The following DNAH17 variants were observed in gnomAD, a reference collection of about 807,000 sequenced individuals.
The protein encoded by DNAH17 is dynein axonemal heavy chain 17.
Under a neutral mutation model 485.6 loss-of-function variants are expected in DNAH17, and 376 were observed. The ratio of observed to expected loss-of-function variants is 0.77; its 90% confidence interval spans 0.71 to 0.84. DNAH17 has a LOEUF of 0.84. DNAH17 is among the 40% of genes least tolerant of loss of function. The pLI is 0.00. For missense variants in DNAH17, 6,370 were observed against 5,839.3 expected, an observed-to-expected ratio of 1.09 and a Z score of -2.96; for synonymous variants, 3,031 against 2,405.9, an observed-to-expected ratio of 1.26 and a Z score of -7.60.
chr17:78,461,691 G>C lies in DNAH17; in HGVS notation c.9192C>G (p.Ala3064=), dbSNP rs2088135593. ...GCTCAGCCTCCTGAATCGCCAACTTGGCTTTCAAATCATCCACCTGGGGAA... is the reference window on the plus strand; with the variant it reads ...GCTCAGCCTCCTGAATCGCCAACTTCGCTTTCAAATCATCCACCTGGGGAA... ...STASQVDDLK[A]KLAIQEAELK... is the part of the protein sequence containing the mutation. Residue 3064 remains alanine (A), a synonymous_variant, in exon 58 of 81, where the codon GCC becomes GCG. Coordinates refer to ENST00000389840, the MANE Select transcript of DNAH17 (RefSeq NM_173628.4). 1 of 1,609,474 alleles carries C rather than the reference G, an allele frequency of 6.2e-7. No individual in the cohort carries two copies. The highest frequency in any genetic ancestry group is 1.3e-5 in the African/African-American group (1 of 74,600).
At chr17:78,540,050 G>A (rs990087680) in intron 17 of DNAH17, among the ~76,000 whole-genome samples, 170 bp from the exon 18 acceptor site, 1 of 152,062 alleles carries the variant, frequency 6.6e-6, no homozygotes, top group African/African-American at 2.4e-5. Context: ...GGCTTTGCAC[G>A]GCTGCTCCCT....
At chr17:78,522,383 A>G in intron 25 of DNAH17, 1 of 286,200 alleles carries the variant, frequency 3.5e-6, no homozygotes, top group Non-Finnish European at 7.0e-6. Flanking sequence ...GAAGAGGAAG[A>G]GGGACTTTTT....
In DNAH17 at chr17:78,475,171, C is replaced by T; in HGVS notation, c.8511+107G>A. ...CTTTGGATAAGGACTATTGGTGATG[C>T]TCGGATTCCCTGTACTCGCTGGCTT... is the stretch of plus-strand genomic sequence containing the variant. On this transcript the variant is annotated intron_variant, in intron 54 of 80. Coordinates refer to ENST00000389840, the MANE Select transcript of DNAH17 (RefSeq NM_173628.4). The T allele has an allele frequency of 5.4e-6, 7 of 1,285,490 alleles. No homozygotes were observed. In the South Asian group the frequency reaches 8.5e-5, roughly 16 times the overall value. The allele number at this position is 1,285,490 out of a possible 1,614,324, so 79.6% of individuals were successfully genotyped here. A position where few individuals can be genotyped will look rare whatever the true frequency, so the allele number is the denominator to read the frequency against.
At chr17:78,498,918 AAGGAGGGTCTATCTGGCG>A (rs2090171768) in intron 37 of DNAH17, 72 bp downstream of exon 37, 1 of 1,004,204 alleles carries the variant, frequency 1.0e-6, no homozygotes, top group Non-Finnish European at 1.4e-6. Context: ...GCAGAGAGGC[AAGGAGGGTCTATCTGGCG>A]TGTGAGGTCA....
At chr17:78,545,477 G>C (rs1193987161) in intron 16 of DNAH17, among the ~76,000 whole-genome samples, 2 of 152,150 alleles carry the variant, frequency 1.3e-5, no homozygotes, top group Admixed American at 1.3e-4. Flanking sequence ...GTGGGCAGAT[G>C]ATGATGGCCG....
At chr17:78,501,594 G>A (rs936620831) in intron 34 of DNAH17, 148 bp downstream of exon 34, 3 of 1,221,292 alleles carry the variant, frequency 2.5e-6, no homozygotes, top group African/African-American at 3.0e-5. Context: ...GTGAGTCCGG[G>A]CAAGGAGGTT....
At position 78,574,892 on chromosome 17, in the gene DNAH17, G is replaced by A; in HGVS notation, c.166C>T (p.Leu56Phe). Residue 56 changes from leucine to phenylalanine, a missense_variant, in exon 2 of 81, where the codon CTC becomes TTC. Leu to Phe is a conservative substitution (Grantham distance 22). Coordinates refer to ENST00000389840, the MANE Select transcript of DNAH17 (RefSeq NM_173628.4). ...KPDVQVLVLTLNAAGMIIPCL... is the reference protein window; with the variant it reads ...KPDVQVLVLTFNAAGMIIPCL... ...GGTATGATCATGCCGGCTGCATTGA[G>A]CGTCAGCACCAGCACCTGGACGTCG... The A allele has an allele frequency of 1.2e-6, 2 of 1,614,036 alleles. No individual in the cohort carries two copies. The highest frequency in any genetic ancestry group is 1.7e-5 in the Admixed American group (1 of 60,012).
chr17:78,556,003 C>CAGCA (rs2092013625), intron 14 of DNAH17, among the ~76,000 whole-genome samples: 2 of 152,216 alleles, frequency 1.3e-5, no homozygotes, highest in African/African-American at 4.8e-5. Context: ...AACTTGCAGA[C>CAGCA]AGCAGGCTGT....
Position 78,539,874 on chromosome 17 carries a change from C to T in DNAH17, c.2539G>A (p.Ala847Thr), listed in dbSNP as rs767516198. The change falls in exon 18 of 81, where the codon GCA (alanine) becomes ACA (threonine). Residue 847 changes from alanine (A) to threonine (T), a missense_variant. By Grantham distance (58) the Ala-to-Thr change is moderately conservative. Coordinates refer to ENST00000389840, the MANE Select transcript of DNAH17 (RefSeq NM_173628.4). ...AGTGTGTCTGCCCTGAATAGTTCTGCGTTTTCCTGCAAACAGAAGCGCACA... is the reference window on the plus strand; with the variant it reads ...AGTGTGTCTGCCCTGAATAGTTCTGTGTTTTCCTGCAAACAGAAGCGCACA... ...VKIQAMVAENAELFRADTLSL... is the reference protein window; with the variant it reads ...VKIQAMVAENTELFRADTLSL... 1.1e-5 allele frequency: 18 copies of T among 1,573,450 alleles called. No individual in the cohort carries two copies. In the Admixed American group the frequency reaches 1.2e-4, roughly 10 times the overall value.
At position 78,427,115 on chromosome 17, in the gene DNAH17, G is replaced by T. The variant is rs369106569; in HGVS notation, c.12589-7C>A. ...CGTCCAGCACGGCCTTCACCTGGAA[G>T]CCAGTCCCCGGACAGCCCCTGTCAC... On this transcript the variant is annotated splice_region_variant and splice_polypyrimidine_tract_variant and intron_variant, in intron 77 of 80. Coordinates refer to ENST00000389840, the MANE Select transcript of DNAH17 (RefSeq NM_173628.4). The T allele has an allele frequency of 2.2e-5, 34 of 1,563,902 alleles. No individual in the cohort carries two copies. In the African/African-American group the frequency reaches 4.5e-4, roughly 21 times the overall value.
chr17:78,460,348 G>GTGTGTGCATA (rs2088047308), intron 58 of DNAH17, 91 bp from the exon 59 acceptor site: 1 of 988,720 alleles, frequency 1.0e-6, no homozygotes, highest in Non-Finnish European at 1.5e-6. Context: ...GTGTGTGCAT[G>GTGTGTGCATA]TGTGTGCATG....
At chr17:78,436,952 G>C (rs2086869078) in intron 74 of DNAH17, among the ~76,000 whole-genome samples, 3 of 152,326 alleles carry the variant, frequency 2.0e-5, no homozygotes, top group Admixed American at 6.5e-5. Context: ...GAAGAGTCAG[G>C]TGAGGACAGA....
chr17:78,560,767 G>A lies in DNAH17; in HGVS notation c.2004C>T (p.Asn668=). 1 of 1,552,066 alleles carries A rather than the reference G, an allele frequency of 6.4e-7. No homozygotes were observed. The highest frequency in any genetic ancestry group is 1.2e-5 in the South Asian group (1 of 84,064). ...QPLILRDAAS[N]LIHVNFSKAL... is the part of the protein sequence containing the mutation. ...CTTTGCTGAAGTTGACGTGGATGAG[G>A]TTGCTAGCGGCGTCCCGCAGAATCA... The change falls in exon 13 of 81, where the codon AAC becomes AAT. Residue 668 remains asparagine (N), a synonymous_variant. Coordinates refer to ENST00000389840, the MANE Select transcript of DNAH17 (RefSeq NM_173628.4).
At chr17:78,466,925 AG>A in intron 55 of DNAH17, 109 bp from the exon 56 acceptor site, 1 of 1,252,050 alleles carries the variant, frequency 8.0e-7, no homozygotes, top group Non-Finnish European at 1.1e-6. Context: ...TGCCGGGCTC[AG>A]CCGCCCAGGG....
At chr17:78,476,990 G>C (rs371641945) in intron 51 of DNAH17, among the ~76,000 whole-genome samples, 2 of 152,326 alleles carry the variant, frequency 1.3e-5, no homozygotes, top group African/African-American at 4.8e-5. Flanking sequence ...TCCTCCAGAA[G>C]AGTGAATGGT....
rs747475909 is a variant in DNAH17, at chr17:78,437,602, C to T, written c.12033+39G>A. On this transcript the variant is annotated intron_variant, in intron 74 of 80. Transcript: ENST00000389840. ...CCAAGGGATGGATGCCAGGCCGTGG[C>T]ATGGGATGGGGAGGCAGCCCGAGCA... The T allele has an allele frequency of 4.6e-6, 7 of 1,525,826 alleles. No individual in the cohort carries two copies. The South Asian group carries it at 7.4e-5, about 16-fold the overall frequency. 94.5% of individuals were successfully genotyped at this position (1,525,826 alleles called of 1,614,324 possible).
intron 51 of DNAH17, chr17:78,478,766 A>G: frequency 2.2e-6 from 1 of 446,718 alleles, no homozygotes; most frequent in East Asian, 3.7e-5. Flanking sequence ...CACTATCATC[A>G]TCACATCACC....
chr17:78,495,179 G>C (rs928379809), intron 38 of DNAH17, 82 bp from the exon 39 acceptor site: 1 of 1,463,622 alleles, frequency 6.8e-7, no homozygotes, highest in African/African-American at 1.4e-5. Flanking sequence ...TCACCTAGGA[G>C]AGCACACCTC....
chr17:78,465,978 T>C (rs1177393148), intron 56 of DNAH17, among the ~76,000 whole-genome samples: 2 of 152,056 alleles, frequency 1.3e-5, no homozygotes, highest in Non-Finnish European at 2.9e-5. Flanking sequence ...GGCGGCTTTG[T>C]GGAATGGAGA....
Sources: gnomAD v4.1 joint callset for allele counts (sites outside exome capture counted in the v4.1 genomes callset) on GRCh38, gnomAD v4.1.1 for gene constraint, MANE v1.5 for transcripts, NCBI Gene and HGNC (gene_info 2026-07-23, HGNC 2026-07-21) for gene names.